Variants in PTK2B observed in about 807,000 individuals in gnomAD.
PTK2B encodes the protein protein tyrosine kinase 2 beta.
A neutral mutation model predicts 142.9 loss-of-function variants in PTK2B; 71 were observed. The observed-to-expected ratio is 0.50, with a 90% CI of 0.41 to 0.61. The LOEUF (loss-of-function observed/expected upper bound fraction) is 0.61. Ranked by LOEUF, PTK2B falls within the 20% of genes least tolerant of loss-of-function variation. The pLI, the probability that PTK2B is intolerant of heterozygous loss-of-function variation, is 0.00. For missense variants in PTK2B, 1,105 were observed against 1,320.4 expected (o/e 0.84, Z 2.53); for synonymous variants, 519 against 503.4 (o/e 1.03, Z -0.42).
intron 1 of PTK2B, among the ~76,000 whole-genome samples, chr8:27,395,228 G>A (rs540475806): frequency 1.3e-5 from 2 of 152,250 alleles, no homozygotes; most frequent in South Asian, 2.1e-4. Context: ...GCAGTGTGGC[G>A]GGTTTGTTTA....
chr8:27,397,606 C>T lies in PTK2B; in HGVS notation c.22C>T (p.Leu8=), dbSNP rs1480313950. The change falls in exon 2 of 31, where the codon CTG becomes TTG. Residue 8 remains leucine, a synonymous_variant. Transcript: ENST00000346049. ...GAGGATGTCTGGGGTGTCCGAGCCC[C>T]TGAGTCGAGTAAAGTTGGGCACGTT... MSGVSEP[L]SRVKLGTLRR... The T allele has an allele frequency of 6.2e-7, 1 of 1,613,910 alleles. No homozygotes were observed. The highest frequency in any genetic ancestry group is 8.5e-7 in the Non-Finnish European group (1 of 1,180,046).
chr8:27,450,847 G>A lies in PTK2B; in HGVS notation c.2439G>A (p.Lys813=), dbSNP rs1811758931. Residue 813 remains lysine, a synonymous_variant, in exon 25 of 31, where the codon AAG becomes AAA. Coordinates refer to ENST00000346049, the MANE Select transcript of PTK2B (RefSeq NM_173176.3). ...GGCAAATCCTGGACAAACAGCAGAA[G>A]CAGATGGTGGAGGACTACCAGTGGC... ...KMRQILDKQQ[K]QMVEDYQWLR... 1.9e-6 allele frequency: 3 copies of A among 1,614,114 alleles called. No individual in the cohort carries two copies. The highest frequency in any genetic ancestry group is 1.7e-5 in the Admixed American group (1 of 60,008).
At chr8:27,401,758 A>G (rs1222783182) in intron 2 of PTK2B, among the ~76,000 whole-genome samples, 1 of 152,264 alleles carries the variant, frequency 6.6e-6, no homozygotes, top group African/African-American at 2.4e-5. Flanking sequence ...CACTTGGGTT[A>G]CATAATGGAA....
At chr8:27,333,192 G>A (rs1803864121) in intron 1 of PTK2B, among the ~76,000 whole-genome samples, 1 of 152,288 alleles carries the variant, frequency 6.6e-6, no homozygotes, top group South Asian at 2.1e-4. Context: ...AGATGGAGAG[G>A]TGTGGTTTGA....
chr8:27,420,127 G>C, intron 3 of PTK2B, 54 bp downstream of exon 3: 1 of 1,595,222 alleles, frequency 6.3e-7, no homozygotes, highest in Non-Finnish European at 8.6e-7. Context: ...TTTAGGGTGG[G>C]GAGGCCCTGG....
rs547981800 is a variant in PTK2B, at chr8:27,405,638, A to G, written c.204+7850A>G. On this transcript the variant is annotated intron_variant, in intron 2 of 30. Transcript: ENST00000346049. ...GCTCTGCAGGCCAGCCCGCCCCCAC[A>G]CAGACACCTACAGAGGCCAGCACAA... Among the ~76,000 whole-genome samples, 185 of 152,254 alleles carry G rather than the reference A, an allele frequency of 1.2e-3. 1 individual carries two copies. The highest frequency in any genetic ancestry group is 2.0e-3 in the Non-Finnish European group (137 of 68,016).
chr8:27,392,544 G>A (rs1233674373), intron 1 of PTK2B, among the ~76,000 whole-genome samples: 1 of 152,122 alleles, frequency 6.6e-6, no homozygotes, highest in Admixed American at 6.6e-5. Flanking sequence ...ACTTTATAGG[G>A]GAGGAAAATG....
rs377688143 is a variant in PTK2B, at chr8:27,453,163, A to G, written c.2595+3A>G. On this transcript the variant is annotated splice_donor_region_variant and intron_variant, in intron 28 of 30. Transcript: ENST00000346049. ...AGCCCCCGAGGCTGGGCGCACAGGT[A>G]TGTGTTGGCTCTGCTGAAACTGATA... The G allele has an allele frequency of 7.4e-6, 12 of 1,614,134 alleles. No individual in the cohort carries two copies. Among genetic ancestry groups the G allele is most frequent in the South Asian group, 2.2e-5 (2 of 91,082 alleles).
Position 27,363,933 on chromosome 8 carries a change from C to CCCGG in PTK2B, c.-37-33611_-37-33608dup, listed in dbSNP as rs1805865393. Among the ~76,000 whole-genome samples, 4 of 152,140 alleles carry CCCGG rather than the reference C, an allele frequency of 2.6e-5. No homozygotes were observed. Among genetic ancestry groups the CCCGG allele is most frequent in the Admixed American group, 2.6e-4 (4 of 15,280 alleles). The stretch of plus-strand genomic sequence containing the variant: ...CTGCAGGGCTAAGATTAGACTAGGG[C>CCCGG]CCGGCCGCCTGTCTTGACACATGCG... On this transcript the variant is annotated intron_variant, in intron 1 of 30. Transcript: ENST00000346049. This position sits in a 1 kb window ranked among gnomAD's most constrained non-coding sequence, Gnocchi z 4.3.
intron 1 of PTK2B, among the ~76,000 whole-genome samples, chr8:27,385,782 A>G (rs547632204): frequency 4.6e-5 from 7 of 151,306 alleles, no homozygotes; most frequent in African/African-American, 1.7e-4. Context: ...AATCCCAGCT[A>G]CTCGGGAGGC....
chr8:27,431,385 C>T lies in PTK2B; in HGVS notation c.811-13C>T. 7 of 1,614,204 alleles carry T rather than the reference C, an allele frequency of 4.3e-6. No individual in the cohort carries two copies. Among genetic ancestry groups the T allele is most frequent in the Non-Finnish European group, 5.1e-6 (6 of 1,180,038 alleles). On this transcript the variant is annotated splice_polypyrimidine_tract_variant and intron_variant, in intron 8 of 30. Coordinates refer to ENST00000346049, the MANE Select transcript of PTK2B (RefSeq NM_173176.3). The stretch of plus-strand genomic sequence containing the variant: ...CAGCTCTGGAACAACAGTCCACTCT[C>T]CTTTTATTCCAGCAAGGATGGAACA...
chr8:27,335,659 C>T (rs1412218344), intron 1 of PTK2B, among the ~76,000 whole-genome samples: 1 of 151,968 alleles, frequency 6.6e-6, no homozygotes, highest in Non-Finnish European at 1.5e-5. Flanking sequence ...AAGACTCAGC[C>T]CCAGCCTGTG....
chr8:27,443,063 C>A, intron 22 of PTK2B, 80 bp downstream of exon 22: 1 of 939,338 alleles, frequency 1.1e-6, no homozygotes, highest in Non-Finnish European at 1.7e-6. Flanking sequence ...CCCCTTACTG[C>A]ACAGGCAGGA....
At chr8:27,319,318 C>CTT (rs35130657) in intron 3 of PTK2B, among the ~76,000 whole-genome samples, 62,814 of 141,466 alleles carry the variant, frequency 0.44, 14,840 homozygotes, top group Non-Finnish European at 0.54. Context: ...TTAAAGCAAC[C>CTT]TTTTTTTTTT....
At chr8:27,348,666 G>A (rs148087126) in intron 1 of PTK2B, among the ~76,000 whole-genome samples, 11 of 152,192 alleles carry the variant, frequency 7.2e-5, no homozygotes, top group Non-Finnish European at 1.5e-4. Context: ...CTCATCATCC[G>A]GGGGCCCAAA....
intron 2 of PTK2B, among the ~76,000 whole-genome samples, 192 bp downstream of exon 2, chr8:27,397,980 T>C (rs1344092078): frequency 2.0e-5 from 3 of 152,250 alleles, no homozygotes; most frequent in Non-Finnish European, 4.4e-5. Context: ...ACTACTTCTC[T>C]AGGAGCCTGG....
At chr8:27,319,643 CAAA>C (rs35156739) in intron 3 of PTK2B, among the ~76,000 whole-genome samples, 1,086 of 89,216 alleles carry the variant, frequency 0.012, 18 homozygotes, top group African/African-American at 0.043. Context: ...GACTCTGTCT[CAAA>C]AAAAAAAAAA....
intron 4 of PTK2B, 22 bp from the exon 5 acceptor site, chr8:27,422,282 G>A (rs756165906): frequency 2.5e-6 from 4 of 1,609,644 alleles, no homozygotes; most frequent in African/African-American, 2.7e-5. Flanking sequence ...CAAGCCTGAT[G>A]CTTGACCTTT....
intron 24 of PTK2B, among the ~76,000 whole-genome samples, chr8:27,448,753 TC>T (rs551615543): frequency 3.9e-4 from 59 of 152,384 alleles, no homozygotes; most frequent in African/African-American, 1.4e-3. Context: ...TTCCTGTTTG[TC>T]ACTATTTGTC....
Sources: allele counts gnomAD v4.1 joint callset (sites outside exome capture counted in the v4.1 genomes callset), GRCh38; gene constraint gnomAD v4.1.1; non-coding constraint Gnocchi (gnomAD v3.1); transcripts MANE v1.5; gene names NCBI Gene and HGNC (gene_info 2026-07-23, HGNC 2026-07-21).